MAP3K4: variants seen among roughly 807,000 people sequenced by gnomAD.
MAP3K4 encodes the protein mitogen-activated protein kinase kinase kinase 4.
A neutral mutation model predicts 185.6 loss-of-function variants in MAP3K4; 67 were observed. The observed-to-expected ratio is 0.36, with a 90% CI of 0.30 to 0.44. MAP3K4 has a LOEUF of 0.44. Ranked by LOEUF, MAP3K4 falls within the 20% of genes least tolerant of loss-of-function variation. The probability of loss-of-function intolerance (pLI) is 1.00; values close to 1 mark genes in which losing one functional copy is unlikely to be tolerated. For synonymous variants in MAP3K4, 702 were observed against 710.4 expected (o/e 0.99, Z 0.19); for missense variants, 1,551 against 1,995.1 (o/e 0.78, Z 4.24).
chr6:161,105,593 A>C (rs1272898886), intron 19 of MAP3K4, among the ~76,000 whole-genome samples: 2 of 152,318 alleles, frequency 1.3e-5, no homozygotes, highest in Admixed American at 1.3e-4. Context: ...GTGGCATTTC[A>C]GCTGCACTGT....
intron 2 of MAP3K4, among the ~76,000 whole-genome samples, chr6:161,036,039 C>T (rs566280860): frequency 2.6e-5 from 4 of 152,180 alleles, no homozygotes; most frequent in South Asian, 2.1e-4. Flanking sequence ...TACGCTTATC[C>T]GAAGGCAATA....
chr6:161,018,561 G>A (rs80108204), intron 1 of MAP3K4, among the ~76,000 whole-genome samples: 112 of 152,198 alleles, frequency 7.4e-4, no homozygotes, highest in African/African-American at 2.5e-3. Flanking sequence ...AGGATAAAAA[G>A]GAATTTGAGA....
intron 2 of MAP3K4, among the ~76,000 whole-genome samples, chr6:161,036,604 T>G (rs374945993): frequency 6.5e-4 from 99 of 152,314 alleles, no homozygotes; most frequent in African/African-American, 2.2e-3. Context: ...GCCTGTACTT[T>G]TAATTTAAAT....
Position 161,080,332 on chromosome 6 carries a change from G to T in MAP3K4, c.2098-549G>T, listed in dbSNP as rs1785389169. On this transcript the variant is annotated intron_variant, in intron 5 of 26. Coordinates refer to ENST00000392142, the MANE Select transcript of MAP3K4 (RefSeq NM_005922.4). The surrounding 1 kb of genome is among the most constrained non-coding windows in gnomAD (Gnocchi z 4.8). ...GGAAAGCTGTTGTAATAGGACTTGT[G>T]GTGGGCATAAATCCCACTTCAGAAC... Among the ~76,000 whole-genome samples the T allele has an allele frequency of 6.6e-6, 1 of 152,102 alleles. No individual in the cohort carries two copies. Among genetic ancestry groups the T allele is most frequent in the Non-Finnish European group, 1.5e-5 (1 of 68,016 alleles).
chr6:161,093,366 T>A lies in MAP3K4; in HGVS notation c.3348+310T>A, dbSNP rs948234976. On this transcript the variant is annotated intron_variant, in intron 14 of 26. Transcript: ENST00000392142. The surrounding 1 kb of genome is among the most constrained non-coding windows in gnomAD (Gnocchi z 5.2). ...TTTGGGGCAGAACAAGGATTAGCTC[T>A]TTTACCTCAGTGTGCATCATTTTGA... 6.6e-6 allele frequency among the ~76,000 whole-genome samples: 1 copy of A among 152,226 alleles called. No individual in the cohort carries two copies. Among genetic ancestry groups the A allele is most frequent in the African/African-American group, 2.4e-5 (1 of 41,462 alleles).
At position 161,112,250 on chromosome 6, in the gene MAP3K4, T is replaced by C. The variant is rs1237229818; in HGVS notation, c.4519+292T>C. On this transcript the variant is annotated intron_variant, in intron 24 of 26. Transcript: ENST00000392142. This position sits in a 1 kb window ranked among gnomAD's most constrained non-coding sequence, Gnocchi z 5.1. The stretch of plus-strand genomic sequence containing the variant: ...TCTTAAAACTTAAAAAATGTAGACA[T>C]TGTTTGTGCTCTGTAATGTGGCTTA... 6.6e-6 allele frequency among the ~76,000 whole-genome samples: 1 copy of C among 152,138 alleles called. No individual in the cohort carries two copies. Among genetic ancestry groups the C allele is most frequent in the Admixed American group, 6.5e-5 (1 of 15,278 alleles).
chr6:161,086,620 C>G lies in MAP3K4; in HGVS notation c.2509C>G (p.Pro837Ala), dbSNP rs764067018. 6.2e-7 allele frequency: 1 copy of G among 1,614,034 alleles called. No individual in the cohort carries two copies. Residue 837 changes from proline to alanine, a missense_variant, in exon 9 of 27, where the codon CCA (proline) becomes GCA (alanine). By Grantham distance (27) the Pro-to-Ala change is conservative (BLOSUM62 -1). Around this residue, in one of 16 missense-constraint regions of MAP3K4, gnomAD observed 261 missense variants for 306.5 expected, o/e 0.85. Coordinates refer to ENST00000392142, the MANE Select transcript of MAP3K4 (RefSeq NM_005922.4). The surrounding 1 kb of genome is among the most constrained non-coding windows in gnomAD (Gnocchi z 4.8). The stretch of plus-strand genomic sequence containing the variant: ...AGCAGCAGAATTCAGGCTTTCAGCC[C>G]CAGTTAGAGACCTCCTGGATGTTCT... ...EIAAEFRLSA[P>A]VRDLLDVLKS...
rs146789670 is a variant in MAP3K4, at chr6:161,072,145, C to A, written c.1950+1295C>A. 3.9e-5 allele frequency among the ~76,000 whole-genome samples: 6 copies of A among 152,300 alleles called. No homozygotes were observed. The East Asian group carries it at 1.2e-3, about 29-fold the overall frequency. On this transcript the variant is annotated intron_variant, in intron 4 of 26. Transcript: ENST00000392142. ...ATAGAGAAATTGATAATTATATAATCTGAACAGAACACTTTTTGTTAGATT... is the reference window on the plus strand; with the variant it reads ...ATAGAGAAATTGATAATTATATAATATGAACAGAACACTTTTTGTTAGATT...
Position 161,087,817 on chromosome 6 carries a change from C to T in MAP3K4, c.2686C>T (p.Leu896Phe). The stretch of plus-strand genomic sequence containing the variant: ...CTGTTCAAAAGATTCAGATGACGTA[C>T]TCATCGATGCCTATCTGCTTCTGAC... Reference protein sequence around the residue: ...KDCSKDSDDVLIDAYLLLTKH... With the variant: ...KDCSKDSDDVFIDAYLLLTKH... The change falls in exon 10 of 27, where the codon CTC (leucine) becomes TTC (phenylalanine). Residue 896 changes from leucine (L) to phenylalanine (F), a missense_variant. This residue lies in a region of MAP3K4 where 261 missense variants were observed against 306.5 expected (regional missense o/e 0.85). Coordinates refer to ENST00000392142, the MANE Select transcript of MAP3K4 (RefSeq NM_005922.4). This position sits in a 1 kb window ranked among gnomAD's most constrained non-coding sequence, Gnocchi z 4.9. 1 of 1,614,160 alleles carries T rather than the reference C, an allele frequency of 6.2e-7. No individual in the cohort carries two copies. Among genetic ancestry groups the T allele is most frequent in the Non-Finnish European group, 8.5e-7 (1 of 1,180,034 alleles).
intron 1 of MAP3K4, among the ~76,000 whole-genome samples, chr6:161,020,586 G>A (rs1364923156): frequency 6.6e-6 from 1 of 150,888 alleles, no homozygotes; most frequent in African/African-American, 2.4e-5. Context: ...TGAACCCGGG[G>A]AGTGGAGGCT....
rs1303343694 is a variant in MAP3K4 at position 161,109,336 on chromosome 6, C to G, written c.4237-419C>G. ...TAACTTGGAGCATCGTGGTGTAGAG[C>G]ATGAGCTTCCAGGGGAAGTTGGAAA... On this transcript the variant is annotated intron_variant, in intron 22 of 26. Transcript: ENST00000392142. The surrounding 1 kb of genome is among the most constrained non-coding windows in gnomAD (Gnocchi z 5.7). Among the ~76,000 whole-genome samples the G allele has an allele frequency of 6.6e-6, 1 of 152,126 alleles. No individual in the cohort carries two copies. Among genetic ancestry groups the G allele is most frequent in the Non-Finnish European group, 1.5e-5 (1 of 68,028 alleles).
intron 2 of MAP3K4, among the ~76,000 whole-genome samples, chr6:161,038,037 T>C (rs1481182216): frequency 6.6e-6 from 1 of 152,146 alleles, no homozygotes; most frequent in Admixed American, 6.5e-5. Context: ...ATCCTCTTCC[T>C]TTCTTTTCTT....
rs1475179598 is a variant in MAP3K4, at chr6:161,063,505, T to C, written c.1708-7103T>C. Among the ~76,000 whole-genome samples the C allele has an allele frequency of 6.6e-6, 1 of 152,202 alleles. No individual in the cohort carries two copies. The highest frequency in any genetic ancestry group is 1.5e-5 in the Non-Finnish European group (1 of 68,038). ...TTTGGGATTGGGGCTCTGAGTACCT[T>C]CTTCTCAAGTTTCAAACCATCTTCT... On this transcript the variant is annotated intron_variant, in intron 3 of 26. Coordinates refer to ENST00000392142, the MANE Select transcript of MAP3K4 (RefSeq NM_005922.4). This position sits in a 1 kb window ranked among gnomAD's most constrained non-coding sequence, Gnocchi z 5.4.
intron 1 of MAP3K4, among the ~76,000 whole-genome samples, chr6:160,999,987 C>G (rs755698402): frequency 6.6e-6 from 1 of 152,096 alleles, no homozygotes; most frequent in Non-Finnish European, 1.5e-5. Context: ...TTTTCAGATA[C>G]GTTGTTATTT....
chr6:161,065,318 GT>G (rs1784658063), intron 3 of MAP3K4, among the ~76,000 whole-genome samples: 1 of 152,198 alleles, frequency 6.6e-6, no homozygotes, highest in South Asian at 2.1e-4. Context: ...AATCTTCCTA[GT>G]TTGGCTAGGC....
rs1046253041 is a variant in MAP3K4, at chr6:161,089,613, T to C, written c.2973+142T>C. 11 of 738,088 alleles carry C rather than the reference T, an allele frequency of 1.5e-5. No homozygotes were observed. The African/African-American group carries it at 2.0e-4, about 13-fold the overall frequency. 45.7% of individuals were successfully genotyped at this position (738,088 alleles called of 1,614,324 possible). On this transcript the variant is annotated intron_variant, in intron 11 of 26. Transcript: ENST00000392142. ...ACTCACCTCTCTTCCCAATACATAT[T>C]TTCTTATGTCTAAACTACATATTCT...
chr6:161,063,577 G>A lies in MAP3K4; in HGVS notation c.1708-7031G>A, dbSNP rs1005549572. Among the ~76,000 whole-genome samples the A allele has an allele frequency of 2.6e-5, 4 of 152,018 alleles. No homozygotes were observed. Among genetic ancestry groups the A allele is most frequent in the African/African-American group, 4.8e-5 (2 of 41,388 alleles). On this transcript the variant is annotated intron_variant, in intron 3 of 26. Transcript: ENST00000392142. This position sits in a 1 kb window ranked among gnomAD's most constrained non-coding sequence, Gnocchi z 5.4. Reference sequence around the variant, plus strand: ...GGACTGTTCTTCTTCCCATGTTCTCGATCTCCTCTTCTCTTTCCTCCTGTT... The same window carrying A: ...GGACTGTTCTTCTTCCCATGTTCTCAATCTCCTCTTCTCTTTCCTCCTGTT...
rs117472336 is a variant in MAP3K4 at position 161,110,797 on chromosome 6, C to T, written c.4396+883C>T. Among the ~76,000 whole-genome samples the T allele has an allele frequency of 1.3e-5, 2 of 152,304 alleles. No homozygotes were observed. Among genetic ancestry groups the T allele is most frequent in the East Asian group, 1.9e-4 (1 of 5,184 alleles). ...CGGTCTCATTGGCTGCCTGCCTGTCCGCTACCTTGCTTTGGTGTCTGGGGT... is the reference window on the plus strand; with the variant it reads ...CGGTCTCATTGGCTGCCTGCCTGTCTGCTACCTTGCTTTGGTGTCTGGGGT... On this transcript the variant is annotated intron_variant, in intron 23 of 26. Coordinates refer to ENST00000392142, the MANE Select transcript of MAP3K4 (RefSeq NM_005922.4). The surrounding 1 kb of genome is among the most constrained non-coding windows in gnomAD (Gnocchi z 4.8).
chr6:161,036,680 C>A (rs1783179562), intron 2 of MAP3K4, among the ~76,000 whole-genome samples: 1 of 152,124 alleles, frequency 6.6e-6, no homozygotes, highest in Admixed American at 6.5e-5. Context: ...TGCTTACTAT[C>A]GGTTAATCAC....
Sources: gnomAD v4.1 joint callset for allele counts (sites outside exome capture counted in the v4.1 genomes callset) on GRCh38, gnomAD v4.1.1 for gene constraint, gnomAD v4.1.1 regional missense constraint, Gnocchi (gnomAD v3.1) non-coding constraint, MANE v1.5 for transcripts, NCBI Gene and HGNC (gene_info 2026-07-23, HGNC 2026-07-21) for gene names.